The following ZMYM4 variants were observed in gnomAD, a reference collection of about 807,000 sequenced individuals.
ZMYM4 encodes zinc finger MYM-type containing 4, also known as zinc finger MYM-type protein 4.
ZMYM4 carries 31 observed loss-of-function variants against 183.2 expected under a neutral mutation model. That is an observed-to-expected ratio of 0.17 (90% confidence interval 0.13 to 0.23). ZMYM4 has a LOEUF of 0.23. ZMYM4 is among the 10% of genes least tolerant of loss of function. The pLI is 1.00. For missense variants in ZMYM4, 1,273 were observed against 1,840.3 expected (o/e 0.69, Z 5.64); for synonymous variants, 592 against 631.2 (o/e 0.94, Z 0.93).
chr1:35,410,589 C>T (rs1312766186), intron 26 of ZMYM4, among the ~76,000 whole-genome samples: 3 of 151,826 alleles, frequency 2.0e-5, no homozygotes, highest in Admixed American at 6.5e-5. Flanking sequence ...CCCAGGTTCA[C>T]GCCATTTTCC....
chr1:35,417,081 G>A (rs1477826229), intron 28 of ZMYM4, among the ~76,000 whole-genome samples: 1 of 152,066 alleles, frequency 6.6e-6, no homozygotes, highest in African/African-American at 2.4e-5. Flanking sequence ...GTTGTTAAGA[G>A]CAGATATAGG....
chr1:35,289,889 T>C (rs1640676924), intron 1 of ZMYM4, among the ~76,000 whole-genome samples: 1 of 152,200 alleles, frequency 6.6e-6, no homozygotes, highest in Non-Finnish European at 1.5e-5. Context: ...TAGCTGCTTT[T>C]CATACCATTC....
At chr1:35,325,241 T>G in intron 1 of ZMYM4, 119 bp from the exon 2 acceptor site, 1 of 835,034 alleles carries the variant, frequency 1.2e-6, no homozygotes, top group Non-Finnish European at 1.8e-6. Flanking sequence ...TTGTTTATAT[T>G]GTGCACTTGT....
At chr1:35,298,245 G>A (rs1436394634) in intron 1 of ZMYM4, among the ~76,000 whole-genome samples, 2 of 152,096 alleles carry the variant, frequency 1.3e-5, no homozygotes, top group African/African-American at 4.8e-5. Context: ...TCATCTCTAC[G>A]AAAAATAAAA....
chr1:35,418,345 A>G, intron 28 of ZMYM4, 98 bp from the exon 29 acceptor site: 1 of 1,344,356 alleles, frequency 7.4e-7, no homozygotes, highest in Non-Finnish European at 1.0e-6. Flanking sequence ...GGAGGAAATG[A>G]CAAAGTTCTG....
intron 23 of ZMYM4, 109 bp downstream of exon 23, chr1:35,399,685 C>A: frequency 2.6e-6 from 3 of 1,139,726 alleles, no homozygotes; most frequent in Non-Finnish European, 2.5e-6. Flanking sequence ...GGTAGTTCCA[C>A]ATGTTGTTTT....
chr1:35,414,914 G>T (rs1640052914), intron 27 of ZMYM4, among the ~76,000 whole-genome samples: 1 of 151,982 alleles, frequency 6.6e-6, no homozygotes, highest in Non-Finnish European at 1.5e-5. Context: ...TGGGCATGGT[G>T]GTGGTGCCTT....
chr1:35,384,597 G>A (rs899132220), intron 9 of ZMYM4, among the ~76,000 whole-genome samples: 2 of 151,964 alleles, frequency 1.3e-5, no homozygotes, highest in African/African-American at 2.4e-5. Context: ...TTACGCTTAT[G>A]GAGTATTTTT....
At chr1:35,344,949 C>T (rs188950043) in intron 2 of ZMYM4, among the ~76,000 whole-genome samples, 6 of 152,268 alleles carry the variant, frequency 3.9e-5, no homozygotes, top group Admixed American at 2.6e-4. Flanking sequence ...TGGAGACATC[C>T]GGGCCTGGGG....
At chr1:35,297,185 A>T (rs1468831075) in intron 1 of ZMYM4, among the ~76,000 whole-genome samples, 1 of 150,848 alleles carries the variant, frequency 6.6e-6, no homozygotes. Context: ...TTTTTTTGAG[A>T]TGGAGTCTCG....
intron 21 of ZMYM4, among the ~76,000 whole-genome samples, 181 bp downstream of exon 21, chr1:35,398,647 A>T (rs1020842207): frequency 2.0e-5 from 3 of 152,220 alleles, no homozygotes; most frequent in African/African-American, 7.2e-5. Context: ...TGTTTGTTTT[A>T]AAAATTAATT....
intron 2 of ZMYM4, among the ~76,000 whole-genome samples, chr1:35,331,484 A>G (rs533388576): frequency 1.1e-4 from 17 of 152,262 alleles, no homozygotes; most frequent in Middle Eastern, 3.4e-3. Flanking sequence ...CAGCATTGTT[A>G]TCAATAAAAT....
At position 35,269,860 on chromosome 1, in the gene ZMYM4, ATACTG is replaced by A. The variant is rs1416435181; in HGVS notation, c.39+780_39+784del. Among the ~76,000 whole-genome samples, 7 of 152,308 alleles carry A rather than the reference ATACTG, an allele frequency of 4.6e-5. No individual in the cohort carries two copies. In the South Asian group the frequency reaches 1.4e-3, roughly 32 times the overall value. Reference sequence around the variant, plus strand: ...AGTGGTTTTTTTCAGATGGCGAACAATACTGTACTATCGATTGAGCAATATCCCTC... The same window carrying A: ...AGTGGTTTTTTTCAGATGGCGAACAATACTATCGATTGAGCAATATCCCTC... On this transcript the variant is annotated intron_variant, in intron 1 of 29. Coordinates refer to ENST00000314607, the MANE Select transcript of ZMYM4 (RefSeq NM_005095.3).
intron 2 of ZMYM4, among the ~76,000 whole-genome samples, chr1:35,326,142 T>G (rs2148822446): frequency 6.6e-6 from 1 of 152,298 alleles, no homozygotes; most frequent in Non-Finnish European, 1.5e-5. Flanking sequence ...TGAAATGACA[T>G]ATAATGAAAC....
Position 35,366,866 on chromosome 1 carries a change from T to C in ZMYM4, c.841-3163T>C, listed in dbSNP as rs554490578. Among the ~76,000 whole-genome samples the C allele has an allele frequency of 2.0e-5, 3 of 151,820 alleles. No individual in the cohort carries two copies. The South Asian group carries it at 6.3e-4, about 32-fold the overall frequency. The stretch of plus-strand genomic sequence containing the variant: ...CTGTCTCTACTAAAAAATACAAAAA[T>C]TACAGAAATTAGCCGGGCGTGGTGG... On this transcript the variant is annotated intron_variant, in intron 5 of 29. Coordinates refer to ENST00000314607, the MANE Select transcript of ZMYM4 (RefSeq NM_005095.3).
chr1:35,408,880 T>G (rs768541200), intron 26 of ZMYM4, among the ~76,000 whole-genome samples: 3 of 152,240 alleles, frequency 2.0e-5, no homozygotes, highest in African/African-American at 7.2e-5. Context: ...CACTGTCTAT[T>G]CTGTAGCTTT....
In ZMYM4 at chr1:35,388,992, T is replaced by A. The variant is rs775955703; in HGVS notation, c.2346T>A (p.Ser782=). The A allele has an allele frequency of 1.1e-5, 18 of 1,614,138 alleles. No homozygotes were observed. The highest frequency in any genetic ancestry group is 1.3e-5 in the Non-Finnish European group (15 of 1,179,994). ...CKMCSYCLQT[S]PKLVQNNLGG... is the part of the protein sequence containing the mutation. The stretch of plus-strand genomic sequence containing the variant: ...TGTGCAGTTATTGTTTACAGACATC[T>A]CCCAAATTGGTACAGAATAATTTAG... The change falls in exon 14 of 30, where the codon TCT becomes TCA. Residue 782 remains serine, a synonymous_variant. Coordinates refer to ENST00000314607, the MANE Select transcript of ZMYM4 (RefSeq NM_005095.3).
In ZMYM4 at chr1:35,390,041, A is replaced by G; in HGVS notation, c.2530A>G (p.Ile844Val). The change falls in exon 15 of 30, where the codon ATC becomes GTC. Residue 844 changes from isoleucine (I) to valine (V), a missense_variant. By Grantham distance (29) the Ile-to-Val change is conservative (BLOSUM62 3). Around this residue, in one of 6 missense-constraint regions of ZMYM4, gnomAD observed 290 missense variants for 353.3 expected, o/e 0.82. Transcript: ENST00000314607. ...EMKHFCNLLC[I>V]LMFCNQQSVC... is the part of the protein sequence containing the mutation. ...GAAACATTTCTGTAACCTGCTTTGT[A>G]TCTTGATGTTCTGTAATCAGCAAAG... The G allele has an allele frequency of 6.2e-7, 1 of 1,614,006 alleles. No homozygotes were observed.
intron 18 of ZMYM4, among the ~76,000 whole-genome samples, chr1:35,394,101 C>A (rs1304585775): frequency 1.4e-5 from 2 of 146,046 alleles, no homozygotes; most frequent in African/African-American, 5.0e-5. Context: ...TCCACAGTCT[C>A]TTGGCTACTC....
Sources: allele counts gnomAD v4.1 joint callset (sites outside exome capture counted in the v4.1 genomes callset), GRCh38; gene constraint gnomAD v4.1.1; regional missense constraint gnomAD v4.1.1; transcripts MANE v1.5; gene names NCBI Gene and HGNC (gene_info 2026-07-23, HGNC 2026-07-21).